Variants in MKRN2OS observed in about 807,000 individuals in gnomAD.
MKRN2OS encodes the protein MKRN2 opposite strand protein.
Under a neutral mutation model 18.2 loss-of-function variants are expected in MKRN2OS, and 17 were observed. The observed-to-expected ratio is 0.93, with a 90% CI of 0.64 to 1.40. The LOEUF (loss-of-function observed/expected upper bound fraction) is 1.40, where lower values mean the gene tolerates loss of function less well. Among genes scored for constraint, MKRN2OS ranks in the 40% most tolerant of loss-of-function variants. MKRN2OS has a pLI of 0.00. For synonymous variants in MKRN2OS, 121 were observed against 108.5 expected (o/e 1.12, Z -0.72); for missense variants, 337 against 283.0 (o/e 1.19, Z -1.37).
intron 1 of MKRN2OS, chr3:12,557,098 G>C: frequency 6.7e-7 from 1 of 1,484,150 alleles, no homozygotes; most frequent in Non-Finnish European, 8.9e-7. Context: ...AGGCCGAGGC[G>C]GCAGCGGCTG....
Position 12,543,248 on chromosome 3 carries a change from G to GC in MKRN2OS, c.219-20_219-19insG, listed in dbSNP as rs564173888. 3 of 1,500,264 alleles carry GC rather than the reference G, an allele frequency of 2.0e-6. No individual in the cohort carries two copies. The highest frequency in any genetic ancestry group is 1.4e-5 in the African/African-American group (1 of 71,518). The allele number at this position is 1,500,264 out of a possible 1,614,324, so 92.9% of individuals were successfully genotyped here. A position where few individuals can be genotyped will look rare whatever the true frequency, so the allele number is the denominator to read the frequency against. On this transcript the variant is annotated intron_variant, in intron 1 of 3. Coordinates refer to ENST00000564146, the MANE Select transcript of MKRN2OS (RefSeq NM_001195279.2). The stretch of plus-strand genomic sequence containing the variant: ...ATACTCTCTGAAAGAAACAAGGTTT[G>GC]TTTTTTTTTGGTTTGCATGTATTTG...
chr3:12,548,310 C>T (rs558598530), upstream of MKRN2OS, among the ~76,000 whole-genome samples: 36 of 152,084 alleles, frequency 2.4e-4, no homozygotes, highest in African/African-American at 8.4e-4. Context: ...TAGCCGGGCA[C>T]GGTGGCGGGT....
At chr3:12,554,857 A>G (rs933239559) in intron 1 of MKRN2OS, among the ~76,000 whole-genome samples, 1 of 152,208 alleles carries the variant, frequency 6.6e-6, no homozygotes, top group African/African-American at 2.4e-5. Flanking sequence ...CCAGGTTTTG[A>G]GGTTTTAAAA....
upstream of MKRN2OS, among the ~76,000 whole-genome samples, chr3:12,547,470 T>C (rs2057895099): frequency 1.3e-5 from 2 of 152,124 alleles, no homozygotes; most frequent in African/African-American, 4.8e-5. Context: ...CTTGAGCCCA[T>C]GAGGTCTTGG....
In MKRN2OS at chr3:12,540,096, T is replaced by G. The variant is rs2057772624; in HGVS notation, c.*97A>C. 1.5e-5 allele frequency: 23 copies of G among 1,497,904 alleles called. 1 individual carries two copies. Among genetic ancestry groups the G allele is most frequent in the Non-Finnish European group, 2.1e-5 (23 of 1,120,088 alleles). 92.8% of individuals were successfully genotyped at this position (1,497,904 alleles called of 1,614,324 possible). A position where few individuals can be genotyped will look rare whatever the true frequency, so the allele number is the denominator to read the frequency against. On this transcript the variant is annotated 3_prime_UTR_variant, in exon 4 of 4. Coordinates refer to ENST00000564146, the MANE Select transcript of MKRN2OS (RefSeq NM_001195279.2). ...CACCATGCCCGGCCCATACACGCTT[T>G]TATTAACCACAGTTAAATGCATTTA...
At chr3:12,541,829 C>T (rs1400949920) in intron 3 of MKRN2OS, 31 bp downstream of exon 3, 12 of 1,527,376 alleles carry the variant, frequency 7.9e-6, no homozygotes, top group Admixed American at 2.0e-5. Context: ...ATGTGAGTGT[C>T]AGCGAGGGGG....
rs570375539 is a variant in MKRN2OS, at chr3:12,557,072, G to C, written n.265-2938C>G. ...CGGCGTGACGCGGCTACGCGGGATG[G>C]GCCGGGCCAGGGCCAAGGCCGAGGC... On this transcript the variant is annotated intron_variant and non_coding_transcript_variant, in intron 1 of 1. Transcript: ENST00000447550. 1.7e-3 allele frequency: 2,410 copies of C among 1,401,040 alleles called. 14 individuals are homozygous for C. Among genetic ancestry groups the C allele is most frequent in the Middle Eastern group, 8.7e-3 (42 of 4,838 alleles). The allele number at this position is 1,401,040 out of a possible 1,614,324, so 86.8% of individuals were successfully genotyped here. A position where few individuals can be genotyped will look rare whatever the true frequency, so the allele number is the denominator to read the frequency against.
At chr3:12,560,506 G>A (rs1206711616) in intron 1 of MKRN2OS, among the ~76,000 whole-genome samples, 1 of 150,244 alleles carries the variant, frequency 6.7e-6, no homozygotes, top group Non-Finnish European at 1.5e-5. Context: ...AAGACACTGA[G>A]GATGCAAATT....
chr3:12,554,933 T>C (rs2057955741), intron 1 of MKRN2OS, among the ~76,000 whole-genome samples: 1 of 152,208 alleles, frequency 6.6e-6, no homozygotes, highest in Non-Finnish European at 1.5e-5. Flanking sequence ...ACTTTTCACT[T>C]TACGCTTTTA....
chr3:12,544,361 G>T (rs1257849307), intron 1 of MKRN2OS, among the ~76,000 whole-genome samples: 1 of 152,088 alleles, frequency 6.6e-6, no homozygotes, highest in Non-Finnish European at 1.5e-5. Flanking sequence ...AATCCTATTG[G>T]TAAACTCCAC....
intron 3 of MKRN2OS, among the ~76,000 whole-genome samples, chr3:12,541,214 T>C (rs566872971): frequency 1.8e-5 from 1 of 56,710 alleles, no homozygotes; most frequent in Non-Finnish European, 3.3e-5. Context: ...ATTTTGAACA[T>C]TGGTTTTTGT....
Position 12,541,915 on chromosome 3 carries a change from G to A in MKRN2OS, c.376C>T (p.Gln126Ter). 1.3e-6 allele frequency: 2 copies of A among 1,536,004 alleles called. No individual in the cohort carries two copies. Among genetic ancestry groups the A allele is most frequent in the Non-Finnish European group, 1.7e-6 (2 of 1,146,876 alleles). The change falls in exon 3 of 4, where the codon CAA becomes TAA. Residue 126 changes from glutamine to a stop codon, truncating the protein, a stop_gained. Transcript: ENST00000564146. LOFTEE classifies it high-confidence loss of function. ...AAGTCTTCCAGGTACTTGTCCCATT[G>A]CTCCATCATTCCATACATGTTGGGC... is the stretch of plus-strand genomic sequence containing the variant. ...LQPNMYGMME[Q>*]WDKYLEDFST... is the part of the protein sequence containing the mutation.
intron 1 of MKRN2OS, among the ~76,000 whole-genome samples, chr3:12,557,605 C>A (rs2057990117): frequency 6.6e-6 from 1 of 152,216 alleles, no homozygotes; most frequent in Admixed American, 6.5e-5. Flanking sequence ...TTATGAGGGC[C>A]TCAAAGTTTG....
chr3:12,552,903 G>T (rs749348298), downstream of MKRN2OS, among the ~76,000 whole-genome samples: 5 of 150,878 alleles, frequency 3.3e-5, no homozygotes, highest in Non-Finnish European at 7.4e-5. Flanking sequence ...CATGCCTGGC[G>T]CACACCTGTA....
upstream of MKRN2OS, chr3:12,545,579 A>T: frequency 1.3e-6 from 1 of 796,230 alleles, no homozygotes; most frequent in East Asian, 2.8e-5. Flanking sequence ...TGTCATCCTG[A>T]CTGATGGCTT....
chr3:12,555,116 C>A (rs1158960887), intron 1 of MKRN2OS, among the ~76,000 whole-genome samples: 1 of 152,092 alleles, frequency 6.6e-6, no homozygotes, highest in East Asian at 1.9e-4. Flanking sequence ...TCGAGACCAG[C>A]CTGGGCAACA....
chr3:12,545,242 T>C lies in MKRN2OS; in HGVS notation c.218+5A>G. On this transcript the variant is annotated splice_donor_5th_base_variant and intron_variant, in intron 1 of 3. Coordinates refer to ENST00000564146, the MANE Select transcript of MKRN2OS (RefSeq NM_001195279.2). ...TGCAATTTAACACTGTAAAAAACAC[T>C]GTACCTAAGAAATGTCCCCTGAGTT... The C allele has an allele frequency of 2.0e-6, 3 of 1,528,176 alleles. No individual in the cohort carries two copies. Among genetic ancestry groups the C allele is most frequent in the Non-Finnish European group, 2.6e-6 (3 of 1,141,822 alleles). The allele number at this position is 1,528,176 out of a possible 1,614,324, so 94.7% of individuals were successfully genotyped here.
upstream of MKRN2OS, among the ~76,000 whole-genome samples, chr3:12,545,969 A>G (rs1387436716): frequency 2.0e-5 from 3 of 151,954 alleles, no homozygotes; most frequent in Admixed American, 1.3e-4. Flanking sequence ...ACTATACCCA[A>G]CTAATTGTTG....
At chr3:12,556,381 TAA>T (rs11359894) in intron 1 of MKRN2OS, among the ~76,000 whole-genome samples, 13 of 150,958 alleles carry the variant, frequency 8.6e-5, no homozygotes, top group Admixed American at 5.9e-4. Context: ...TAATAATAAT[TAA>T]AAAAAAAGGT....
Sources: gnomAD v4.1 joint callset for allele counts (sites outside exome capture counted in the v4.1 genomes callset) on GRCh38, gnomAD v4.1.1 for gene constraint, MANE v1.5 for transcripts, NCBI Gene and HGNC (gene_info 2026-07-23, HGNC 2026-07-21) for gene names.